Variants in DSG2 observed in about 807,000 individuals in gnomAD.
DSG2 encodes desmoglein-2.
DSG2 carries 45 observed loss-of-function variants against 75.6 expected under a neutral mutation model. The ratio of observed to expected loss-of-function variants is 0.60; its 90% confidence interval spans 0.47 to 0.76. The LOEUF is 0.76. Among genes scored for constraint, DSG2 ranks in the 30% least tolerant of loss-of-function variants. The pLI is 0.00. For missense variants in DSG2, 1,267 were observed against 1,357.4 expected (o/e 0.93, Z 1.05); for synonymous variants, 429 against 483.9 (o/e 0.89, Z 1.49).
Position 31,548,009 on chromosome 18 carries a change from T to TTTTG in DSG2, c.*1270_*1273dup. On this transcript the variant is annotated 3_prime_UTR_variant, in exon 15 of 15. Coordinates refer to ENST00000261590, the MANE Select transcript of DSG2 (RefSeq NM_001943.5). ...ACACTGAATTGTAAAAACCATTCGT[T>TTTTG]TTTGTTTACAATTGCCAAAAATCTC... is the stretch of plus-strand genomic sequence containing the variant. 1 of 152,292 alleles carries TTTTG rather than the reference T, an allele frequency of 6.6e-6. No individual in the cohort carries two copies. Among genetic ancestry groups the TTTTG allele is most frequent in the Admixed American group, 6.5e-5 (1 of 15,300 alleles). 9.4% of individuals were successfully genotyped at this position (152,292 alleles called of 1,614,324 possible).
At chr18:31,503,465 G>C (rs1040034646) in intron 1 of DSG2, among the ~76,000 whole-genome samples, 4 of 152,172 alleles carry the variant, frequency 2.6e-5, no homozygotes, top group African/African-American at 9.7e-5. Context: ...ATTCATTGTT[G>C]CTTGAACTTA....
At chr18:31,517,273 G>A (rs1224516940) in intron 1 of DSG2, among the ~76,000 whole-genome samples, 2 of 152,180 alleles carry the variant, frequency 1.3e-5, no homozygotes, top group East Asian at 3.8e-4. Context: ...GAAAGGTAGT[G>A]GGGAGGTGGG....
At chr18:31,538,131 A>G (rs549716957) in intron 11 of DSG2, among the ~76,000 whole-genome samples, 2 of 152,338 alleles carry the variant, frequency 1.3e-5, no homozygotes, top group South Asian at 4.1e-4. Context: ...AAAAGTGGGT[A>G]TATAGAGGGC....
intron 6 of DSG2, 185 bp downstream of exon 6, chr18:31,522,434 G>A (rs1193289702): frequency 5.1e-6 from 3 of 583,790 alleles, no homozygotes; most frequent in Non-Finnish European, 9.0e-6. Context: ...CACTTAAAAT[G>A]TGACTGGCCC....
At position 31,542,786 on chromosome 18, in the gene DSG2, C is replaced by T. The variant is rs1336510948; in HGVS notation, c.2268C>T (p.Asp756=). The change falls in exon 14 of 15, where the codon GAC becomes GAT. Residue 756 remains aspartate, a synonymous_variant. Coordinates refer to ENST00000261590, the MANE Select transcript of DSG2 (RefSeq NM_001943.5). ...CAAGGGCCACAGGGGCTTCCAGAGACATGGCCGGAGCTCAGGCAGCTGCTG... is the reference window on the plus strand; with the variant it reads ...CAAGGGCCACAGGGGCTTCCAGAGATATGGCCGGAGCTCAGGCAGCTGCTG... ...KTARATGASR[D]MAGAQAAAVA... 1 of 1,606,208 alleles carries T rather than the reference C, an allele frequency of 6.2e-7. No individual in the cohort carries two copies. The highest frequency in any genetic ancestry group is 8.5e-7 in the Non-Finnish European group (1 of 1,176,794).
chr18:31,542,940 G>T, intron 14 of DSG2, 88 bp downstream of exon 14: 1 of 1,048,976 alleles, frequency 9.5e-7, no homozygotes, highest in Non-Finnish European at 1.3e-6. Flanking sequence ...CATTGCCTTG[G>T]ATCCAAATGA....
At chr18:31,518,552 A>G (rs2073107729) in intron 2 of DSG2, among the ~76,000 whole-genome samples, 1 of 152,202 alleles carries the variant, frequency 6.6e-6, no homozygotes, top group Non-Finnish European at 1.5e-5. Context: ...AATAAGATAT[A>G]TAGTGTAAGT....
intron 9 of DSG2, among the ~76,000 whole-genome samples, chr18:31,532,427 G>A (rs551669060): frequency 1.2e-4 from 18 of 152,186 alleles, no homozygotes; most frequent in African/African-American, 3.6e-4. Flanking sequence ...AAGAATTTCC[G>A]AGGGTTACAA....
chr18:31,521,185 C>T lies in DSG2; in HGVS notation c.465C>T (p.Asn155=), dbSNP rs751814575. 17 of 1,612,612 alleles carry T rather than the reference C, an allele frequency of 1.1e-5. No homozygotes were observed. The highest frequency in any genetic ancestry group is 2.2e-5 in the South Asian group (2 of 91,024). ...TTAAGGTTCTTGATATCAATGACAA[C>T]GAACCAGTGTTCACACAGGATGTCT... The part of the protein sequence containing the change: ...LRIKVLDIND[N]EPVFTQDVFV... The change falls in exon 5 of 15, where the codon AAC becomes AAT. Residue 155 remains asparagine, a synonymous_variant. Coordinates refer to ENST00000261590, the MANE Select transcript of DSG2 (RefSeq NM_001943.5).
chr18:31,519,468 G>T (rs2073114124), intron 2 of DSG2, among the ~76,000 whole-genome samples: 1 of 152,152 alleles, frequency 6.6e-6, no homozygotes, highest in South Asian at 2.1e-4. Context: ...GGAGGCTGAG[G>T]CAGGAAGATG....
At chr18:31,541,933 T>A (rs1626261) in intron 13 of DSG2, among the ~76,000 whole-genome samples, 33,755 of 152,102 alleles carry the variant, frequency 0.22, 5,726 homozygotes, top group African/African-American at 0.48. Context: ...TCCCTCTTCC[T>A]TGTTTTTCTT....
chr18:31,509,620 C>T (rs1411234420), intron 1 of DSG2, among the ~76,000 whole-genome samples: 5 of 152,132 alleles, frequency 3.3e-5, no homozygotes, highest in Admixed American at 3.3e-4. Context: ...TTTCTTCCTC[C>T]TGTCCCCAAA....
At chr18:31,541,366 G>A (rs1598823112) in intron 13 of DSG2, 52 bp downstream of exon 13, 3 of 1,606,258 alleles carry the variant, frequency 1.9e-6, no homozygotes, top group East Asian at 4.5e-5. Context: ...GTTTTAAAGG[G>A]GCCTAGGGAA....
intron 6 of DSG2, among the ~76,000 whole-genome samples, 162 bp from the exon 7 acceptor site, chr18:31,524,286 C>T (rs2073147414): frequency 6.6e-6 from 1 of 152,204 alleles, no homozygotes; most frequent in Non-Finnish European, 1.5e-5. Context: ...TGCAAAAGCT[C>T]TGACTGCAAG....
chr18:31,538,916 C>T lies in DSG2; in HGVS notation c.1817C>T (p.Ser606Phe). ...GSGCREAQHDSYVGLGPAAIA... is the reference protein window; with the variant it reads ...GSGCREAQHDFYVGLGPAAIA... ...GGCTGCAGGGAAGCACAGCATGACTCCTATGTGGGCCTGGGACCCGCAGCA... is the reference window on the plus strand; with the variant it reads ...GGCTGCAGGGAAGCACAGCATGACTTCTATGTGGGCCTGGGACCCGCAGCA... The change falls in exon 12 of 15, where the codon TCC becomes TTC. Residue 606 changes from serine (S) to phenylalanine (F), a missense_variant. Physicochemically the swap from Ser to Phe is radical, Grantham distance 155. Coordinates refer to ENST00000261590, the MANE Select transcript of DSG2 (RefSeq NM_001943.5). 2 of 1,614,162 alleles carry T rather than the reference C, an allele frequency of 1.2e-6. No homozygotes were observed. Among genetic ancestry groups the T allele is most frequent in the Non-Finnish European group, 1.7e-6 (2 of 1,180,038 alleles).
At chr18:31,537,929 G>A (rs2073241260) in intron 11 of DSG2, among the ~76,000 whole-genome samples, 1 of 152,062 alleles carries the variant, frequency 6.6e-6, no homozygotes, top group Non-Finnish European at 1.5e-5. Flanking sequence ...GGGAGGCAGA[G>A]GTTGCAGTGA....
At chr18:31,535,140 C>A in intron 9 of DSG2, 130 bp from the exon 10 acceptor site, 1 of 717,096 alleles carries the variant, frequency 1.4e-6, no homozygotes, top group Non-Finnish European at 2.3e-6. Flanking sequence ...AAATTAAAAA[C>A]ATTCAAAACA....
intron 1 of DSG2, among the ~76,000 whole-genome samples, chr18:31,506,011 T>C (rs1253168007): frequency 1.3e-5 from 2 of 152,208 alleles, no homozygotes; most frequent in Admixed American, 6.5e-5. Context: ...GGGCGTCTAC[T>C]ATATGACCAA....
Position 31,498,389 on chromosome 18 carries a change from T to A in DSG2, c.45+93T>A, listed in dbSNP as rs938744250. On this transcript the variant is annotated intron_variant, in intron 1 of 14. Transcript: ENST00000261590. Reference sequence around the variant, plus strand: ...CGCGACCAGACTTGCCCGCCGCCCTTGTGCGCGTTACCTGCCCGGCGCTCC... The same window carrying A: ...CGCGACCAGACTTGCCCGCCGCCCTAGTGCGCGTTACCTGCCCGGCGCTCC... 1.7e-5 allele frequency: 21 copies of A among 1,211,982 alleles called. No homozygotes were observed. In the Middle Eastern group the frequency reaches 2.3e-3, roughly 131 times the overall value. The allele number at this position is 1,211,982 out of a possible 1,614,324, so 75.1% of individuals were successfully genotyped here.
Sources: gnomAD v4.1 joint callset for allele counts (sites outside exome capture counted in the v4.1 genomes callset) on GRCh38, gnomAD v4.1.1 for gene constraint, MANE v1.5 for transcripts, NCBI Gene and HGNC (gene_info 2026-07-23, HGNC 2026-07-21) for gene names.